Variants in CELSR1 observed in about 807,000 individuals in gnomAD.
CELSR1 encodes the protein adhesion G protein-coupled receptor C1.
In CELSR1, 110 loss-of-function variants were observed where a neutral mutation model predicts 249.1. The ratio of observed to expected loss-of-function variants is 0.44; its 90% CI spans 0.38 to 0.52. The LOEUF (loss-of-function observed/expected upper bound fraction) is 0.52. Ranked by LOEUF, CELSR1 falls within the 20% of genes least tolerant of loss-of-function variation. The pLI is 0.00. For synonymous variants in CELSR1, 2,113 were observed against 1,900.0 expected (o/e 1.11, Z -2.92); for missense variants, 4,109 against 4,296.4 (o/e 0.96, Z 1.22).
rs934621159 is a variant in CELSR1 at position 46,473,117 on chromosome 22, G to C, written c.3545-8772C>G. ...ACTGCTGCCGGCCTCGTGGGCTCTC[G>C]GTGCAGGACGGCGGGGGTGGCTGAA... On this transcript the variant is annotated intron_variant, in intron 1 of 34. Transcript: ENST00000674500. The surrounding 1 kb of genome is among the most constrained non-coding windows in gnomAD (Gnocchi z 6.6). Among the ~76,000 whole-genome samples, 1 of 152,144 alleles carries C rather than the reference G, an allele frequency of 6.6e-6. No homozygotes were observed. The highest frequency in any genetic ancestry group is 1.9e-4 in the East Asian group (1 of 5,184).
At chr22:46,515,799 C>T (rs1405717738) in intron 1 of CELSR1, among the ~76,000 whole-genome samples, 1 of 152,216 alleles carries the variant, frequency 6.6e-6, no homozygotes, top group African/African-American at 2.4e-5. Flanking sequence ...CCAGGACATT[C>T]CGCCCATCCT....
In CELSR1 at chr22:46,445,527, T is replaced by C. The variant is rs180809832; in HGVS notation, c.4184-6116A>G. Among the ~76,000 whole-genome samples, 25 of 152,182 alleles carry C rather than the reference T, an allele frequency of 1.6e-4. No homozygotes were observed. Among genetic ancestry groups the C allele is most frequent in the Non-Finnish European group, 3.2e-4 (22 of 67,988 alleles). On this transcript the variant is annotated intron_variant, in intron 2 of 34. Coordinates refer to ENST00000674500, the MANE Select transcript of CELSR1 (RefSeq NM_001378328.1). This position sits in a 1 kb window ranked among gnomAD's most constrained non-coding sequence, Gnocchi z 4.4. ...GAATAAAAAATAAAGACACCAGTCA[T>C]TGGATTTAGGGTCCACCCTAAATCC... is the stretch of plus-strand genomic sequence containing the variant.
At chr22:46,386,266 G>A (rs942882300) in intron 19 of CELSR1, 136 bp downstream of exon 19, 46 of 988,176 alleles carry the variant, frequency 4.7e-5, no homozygotes, top group Middle Eastern at 3.3e-4. Flanking sequence ...CACTGTGCCC[G>A]GCCTCACAAT....
chr22:46,416,433 G>A lies in CELSR1; in HGVS notation c.4612-4674C>T, dbSNP rs377225013. On this transcript the variant is annotated intron_variant, in intron 5 of 34. Coordinates refer to ENST00000674500, the MANE Select transcript of CELSR1 (RefSeq NM_001378328.1). ...GCAGGAAAGGCAATTCCCAGGCCTC[G>A]CTTCCAGGACATAAAGCTCAGTAGC... 3.3e-5 allele frequency among the ~76,000 whole-genome samples: 5 copies of A among 152,054 alleles called. No homozygotes were observed. In the East Asian group the frequency reaches 5.8e-4, roughly 18 times the overall value.
intron 1 of CELSR1, among the ~76,000 whole-genome samples, chr22:46,515,893 A>G (rs973985987): frequency 1.3e-5 from 2 of 152,252 alleles, no homozygotes; most frequent in Non-Finnish European, 2.9e-5. Flanking sequence ...AATGCAAATC[A>G]AAACCACAAT....
rs1188569753 is a variant in CELSR1, at chr22:46,448,865, G to C, written c.4184-9454C>G. 1.3e-5 allele frequency among the ~76,000 whole-genome samples: 2 copies of C among 152,128 alleles called. No homozygotes were observed. The highest frequency in any genetic ancestry group is 2.9e-5 in the Non-Finnish European group (2 of 68,036). On this transcript the variant is annotated intron_variant, in intron 2 of 34. Transcript: ENST00000674500. The surrounding 1 kb of genome is among the most constrained non-coding windows in gnomAD (Gnocchi z 5.7). ...TCTTGAAGACACAACCCAACAGCGT[G>C]GCTCATGTGTCAGAAACTTCACTAC... is the stretch of plus-strand genomic sequence containing the variant.
intron 19 of CELSR1, among the ~76,000 whole-genome samples, chr22:46,386,036 C>T (rs1353225194): frequency 1.3e-5 from 2 of 150,394 alleles, no homozygotes; most frequent in African/African-American, 2.5e-5. Flanking sequence ...ATGGCGCAAT[C>T]TCAGCTCACT....
At position 46,364,131 on chromosome 22, in the gene CELSR1, G is replaced by A. The variant is rs1357067724; in HGVS notation, c.8900C>T (p.Ser2967Phe). 4 of 1,612,164 alleles carry A rather than the reference G, an allele frequency of 2.5e-6. No individual in the cohort carries two copies. The highest frequency in any genetic ancestry group is 3.4e-6 in the Non-Finnish European group (4 of 1,179,694). Residue 2967 changes from serine (S) to phenylalanine (F), a missense_variant, in exon 34 of 35, where the codon TCT becomes TTT. Ser to Phe is a radical substitution (Grantham distance 155, BLOSUM62 -2). Transcript: ENST00000674500. ...GTCGGGGCCGCCAGAGCCCAGGGAA[G>A]ACGTGCGCGAGGATGTGGGGCTCTG... ...CEQSPTSSRTSSLGSGGPDCA... is the reference protein window; with the variant it reads ...CEQSPTSSRTFSLGSGGPDCA...
rs915439158 is a variant in CELSR1, at chr22:46,408,584, C to T, written c.5226+412G>A. On this transcript the variant is annotated intron_variant, in intron 9 of 34. Transcript: ENST00000674500. This position sits in a 1 kb window ranked among gnomAD's most constrained non-coding sequence, Gnocchi z 4.6. ...TTCTGACCTCAGGTGATCCGCCGGC[C>T]TCCGCCACCCAAAGTGTTGGGATTA... Among the ~76,000 whole-genome samples the T allele has an allele frequency of 2.6e-5, 4 of 152,234 alleles. No individual in the cohort carries two copies. Among genetic ancestry groups the T allele is most frequent in the Admixed American group, 1.3e-4 (2 of 15,286 alleles).
chr22:46,383,216 CCT>C (rs1453893546), intron 20 of CELSR1, among the ~76,000 whole-genome samples: 1 of 151,128 alleles, frequency 6.6e-6, no homozygotes, highest in Non-Finnish European at 1.5e-5. Flanking sequence ...CAGAGTCACC[CCT>C]CTTTTTAAGA....
chr22:46,424,082 T>G (rs1348757590), intron 5 of CELSR1, among the ~76,000 whole-genome samples: 1 of 152,138 alleles, frequency 6.6e-6, no homozygotes, highest in Non-Finnish European at 1.5e-5. Flanking sequence ...AAATTTTTTT[T>G]TAAGACAAGA....
intron 5 of CELSR1, among the ~76,000 whole-genome samples, chr22:46,425,596 T>C (rs2079527876): frequency 6.6e-6 from 1 of 152,224 alleles, no homozygotes. Flanking sequence ...TATTCCCTTA[T>C]TACCCTTTTT....
At chr22:46,511,137 CAT>C (rs1555934292) in intron 1 of CELSR1, among the ~76,000 whole-genome samples, 3 of 151,828 alleles carry the variant, frequency 2.0e-5, no homozygotes, top group Non-Finnish European at 4.4e-5. Context: ...CACACACACA[CAT>C]ACACTCACAA....
intron 3 of CELSR1, 110 bp downstream of exon 3, chr22:46,439,079 G>A (rs996047052): frequency 2.2e-5 from 24 of 1,074,270 alleles, no homozygotes; most frequent in Non-Finnish European, 3.2e-5. Context: ...AACTATCAAA[G>A]GCCACACACG....
At chr22:46,382,096 T>C in intron 20 of CELSR1, 46 bp from the exon 21 acceptor site, 1 of 1,456,872 alleles carries the variant, frequency 6.9e-7, no homozygotes, top group Non-Finnish European at 9.1e-7. Flanking sequence ...AGCACCTGTG[T>C]TCCCCAAGAC....
rs1474314068 is a variant in CELSR1 at position 46,488,281 on chromosome 22, G to A, written c.3545-23936C>T. 6.6e-6 allele frequency among the ~76,000 whole-genome samples: 1 copy of A among 152,034 alleles called. No individual in the cohort carries two copies. The highest frequency in any genetic ancestry group is 6.5e-5 in the Admixed American group (1 of 15,278). On this transcript the variant is annotated intron_variant, in intron 1 of 34. Transcript: ENST00000674500. This position sits in a 1 kb window ranked among gnomAD's most constrained non-coding sequence, Gnocchi z 4.7. Reference sequence around the variant, plus strand: ...CCCCCAGATAGTCCCCAGAGCCAGTGCTACATGGGAAGCCCTGCCCTCCTG... The same window carrying A: ...CCCCCAGATAGTCCCCAGAGCCAGTACTACATGGGAAGCCCTGCCCTCCTG...
chr22:46,471,797 T>C lies in CELSR1; in HGVS notation c.3545-7452A>G, dbSNP rs6008855. Reference sequence around the variant, plus strand: ...CATTTCCACCCACTGTCCTCTCCTGTCCCAGGACCCCACACCACACTCAGC... The same window carrying C: ...CATTTCCACCCACTGTCCTCTCCTGCCCCAGGACCCCACACCACACTCAGC... On this transcript the variant is annotated intron_variant, in intron 1 of 34. Transcript: ENST00000674500. This position sits in a 1 kb window ranked among gnomAD's most constrained non-coding sequence, Gnocchi z 4.9. Among the ~76,000 whole-genome samples the C allele has an allele frequency of 0.047, 7,154 of 152,016 alleles. 386 individuals are homozygous for C. Among genetic ancestry groups the C allele is most frequent in the African/African-American group, 0.13 (5,545 of 41,440 alleles).
intron 1 of CELSR1, among the ~76,000 whole-genome samples, chr22:46,499,794 C>T (rs1015727732): frequency 6.6e-5 from 10 of 152,132 alleles, no homozygotes; most frequent in African/African-American, 2.4e-4. Flanking sequence ...CCTCAGAACC[C>T]CAAGCCATTA....
chr22:46,466,696 AC>A (rs1215930258), intron 1 of CELSR1, among the ~76,000 whole-genome samples: 1 of 152,198 alleles, frequency 6.6e-6, no homozygotes, highest in Non-Finnish European at 1.5e-5. Flanking sequence ...CGACTCATAG[AC>A]CAACCGTTCA....
Sources: gnomAD v4.1 joint callset for allele counts (sites outside exome capture counted in the v4.1 genomes callset) on GRCh38, gnomAD v4.1.1 for gene constraint, Gnocchi (gnomAD v3.1) non-coding constraint, MANE v1.5 for transcripts, NCBI Gene and HGNC (gene_info 2026-07-23, HGNC 2026-07-21) for gene names.